The following ARHGAP28 variants were observed in gnomAD, a reference collection of about 807,000 sequenced individuals.
ARHGAP28 encodes Rho GTPase activating protein 28, also known as rho GTPase-activating protein 28.
Under a neutral mutation model 90.7 loss-of-function variants are expected in ARHGAP28, and 56 were observed. The ratio of observed to expected loss-of-function variants is 0.62; its 90% CI spans 0.50 to 0.77. The LOEUF is 0.77. Ranked by LOEUF, ARHGAP28 falls within the 30% of genes least tolerant of loss-of-function variation. The pLI is 0.00. For missense variants in ARHGAP28, 869 were observed against 900.9 expected, an observed-to-expected ratio of 0.96 and a Z score of 0.45; for synonymous variants, 308 against 323.3, an observed-to-expected ratio of 0.95 and a Z score of 0.51.
chr18:6,907,313 C>T (rs1051491398), intron 16 of ARHGAP28, among the ~76,000 whole-genome samples: 14 of 151,856 alleles, frequency 9.2e-5, no homozygotes, highest in Admixed American at 5.2e-4. Flanking sequence ...GGGCATTTAT[C>T]CCAAAGAAAT....
At chr18:6,822,349 G>C (rs2056632448) in intron 1 of ARHGAP28, among the ~76,000 whole-genome samples, 1 of 152,142 alleles carries the variant, frequency 6.6e-6, no homozygotes, top group Non-Finnish European at 1.5e-5. Flanking sequence ...TGGAGGGCAG[G>C]AGGCTGTGTG....
Position 6,841,175 on chromosome 18 carries a change from TCTCTC to T in ARHGAP28, c.543+3767_543+3771del, listed in dbSNP as rs1429600403. On this transcript the variant is annotated intron_variant, in intron 3 of 17. Coordinates refer to ENST00000383472, the MANE Select transcript of ARHGAP28 (RefSeq NM_001366230.1). ...CTCCTCTTTCTCTCTCTCCTCTCTC[TCTCTC>T]CTCTCTCTCTCTCTCTCTCTCTCCT... Among the ~76,000 whole-genome samples, 226 of 83,376 alleles carry T rather than the reference TCTCTC, an allele frequency of 2.7e-3. 5 individuals are homozygous for T. The highest frequency in any genetic ancestry group is 0.012 in the African/African-American group (198 of 16,694). The allele number at this position is 83,376 out of a possible 152,430, so 54.7% of individuals were successfully genotyped here.
chr18:6,881,697 G>C (rs1335482550), intron 10 of ARHGAP28, among the ~76,000 whole-genome samples: 1 of 152,166 alleles, frequency 6.6e-6, no homozygotes, highest in Non-Finnish European at 1.5e-5. Flanking sequence ...TTCTCATTCT[G>C]TTTGTGAACT....
At chr18:6,803,315 CT>C (rs2056495895) in intron 1 of ARHGAP28, among the ~76,000 whole-genome samples, 1 of 152,048 alleles carries the variant, frequency 6.6e-6, no homozygotes, top group Admixed American at 6.6e-5. Flanking sequence ...TTGTCAAGTA[CT>C]TTTTTCCCAT....
At chr18:6,895,960 A>G (rs990196124) in intron 15 of ARHGAP28, among the ~76,000 whole-genome samples, 6 of 152,136 alleles carry the variant, frequency 3.9e-5, no homozygotes, top group Non-Finnish European at 7.4e-5. Context: ...AAGAAACACT[A>G]TCTTTCCCAC....
chr18:6,767,434 C>T (rs922586977), intron 1 of ARHGAP28, among the ~76,000 whole-genome samples: 1 of 151,948 alleles, frequency 6.6e-6, no homozygotes, highest in Non-Finnish European at 1.5e-5. Flanking sequence ...TGTAGAGGTC[C>T]AAGTTTCCAT....
intron 10 of ARHGAP28, among the ~76,000 whole-genome samples, chr18:6,880,498 C>T (rs958699606): frequency 6.6e-6 from 1 of 152,188 alleles, no homozygotes; most frequent in African/African-American, 2.4e-5. Flanking sequence ...CAAATCTACC[C>T]TTGCCATTCC....
At chr18:6,792,072 C>T (rs187039003) in intron 1 of ARHGAP28, among the ~76,000 whole-genome samples, 1 of 152,108 alleles carries the variant, frequency 6.6e-6, no homozygotes, top group Non-Finnish European at 1.5e-5. Context: ...GCTGGGATTA[C>T]AGATGTGAAC....
At chr18:6,828,114 C>T (rs967066969) in intron 2 of ARHGAP28, among the ~76,000 whole-genome samples, 8 of 152,146 alleles carry the variant, frequency 5.3e-5, no homozygotes, top group African/African-American at 1.9e-4. Flanking sequence ...CTTGGGAGGC[C>T]GAGGCTGGCA....
At chr18:6,827,320 A>AC (rs1331457514) in intron 2 of ARHGAP28, among the ~76,000 whole-genome samples, 9 of 132,020 alleles carry the variant, frequency 6.8e-5, no homozygotes, top group Non-Finnish European at 1.3e-4. Flanking sequence ...CGGGGGGCTG[A>AC]ACCCTCCACC....
At chr18:6,748,748 C>G (rs73380746) in intron 1 of ARHGAP28, among the ~76,000 whole-genome samples, 5,534 of 152,230 alleles carry the variant, frequency 0.036, 342 homozygotes, top group African/African-American at 0.13. Flanking sequence ...CAGTATTTCC[C>G]ACATGTTTAC....
intron 17 of ARHGAP28, among the ~76,000 whole-genome samples, chr18:6,910,994 A>T (rs35855671): frequency 6.6e-6 from 1 of 151,446 alleles, no homozygotes; most frequent in South Asian, 2.1e-4. Flanking sequence ...ACAGGCGCCC[A>T]TCACCACGCC....
Position 6,851,105 on chromosome 18 carries a change from T to C in ARHGAP28, c.615T>C (p.Val205=). 1 of 1,614,070 alleles carries C rather than the reference T, an allele frequency of 6.2e-7. No individual in the cohort carries two copies. Among genetic ancestry groups the C allele is most frequent in the Non-Finnish European group, 8.5e-7 (1 of 1,179,974 alleles). The change falls in exon 4 of 18, where the codon GTT becomes GTC. Residue 205 remains valine (V), a synonymous_variant. Coordinates refer to ENST00000383472, the MANE Select transcript of ARHGAP28 (RefSeq NM_001366230.1). ...AGGAAGAAAGAGAGCTTCCAAGAGT[T>C]ATCAAGACAAGTGGTTCCATGGTAA... The part of the protein sequence containing the change: ...GTKEERELPR[V]IKTSGSMPDD...
In ARHGAP28 at chr18:6,774,687, T is replaced by G. The variant is rs1031594363; in HGVS notation, c.122+44744T>G. Among the ~76,000 whole-genome samples the G allele has an allele frequency of 6.6e-5, 10 of 152,358 alleles. No homozygotes were observed. In the South Asian group the frequency reaches 1.9e-3, roughly 28 times the overall value. On this transcript the variant is annotated intron_variant, in intron 1 of 17. Transcript: ENST00000383472. The stretch of plus-strand genomic sequence containing the variant: ...TAGAGTTCATTAGCCAAGCAAGCTC[T>G]TCTATTCTTTAATGGAATTAATGCA...
intron 9 of ARHGAP28, among the ~76,000 whole-genome samples, 170 bp downstream of exon 9, chr18:6,873,945 T>C (rs569831890): frequency 6.6e-6 from 1 of 152,352 alleles, no homozygotes; most frequent in Non-Finnish European, 1.5e-5. Flanking sequence ...TAACGGCCCA[T>C]GGCGCCTGGG....
chr18:6,887,753 A>G (rs1439417578), intron 12 of ARHGAP28, among the ~76,000 whole-genome samples: 1 of 152,010 alleles, frequency 6.6e-6, no homozygotes, highest in Non-Finnish European at 1.5e-5. Context: ...AGTTTCATTC[A>G]CTCCATTCAT....
chr18:6,741,975 T>C (rs7505383), intron 1 of ARHGAP28, among the ~76,000 whole-genome samples: 41,261 of 151,748 alleles, frequency 0.27, 6,439 homozygotes, highest in South Asian at 0.33. Flanking sequence ...GCTGGAGAAA[T>C]GGTTTAGAAG....
intron 3 of ARHGAP28, among the ~76,000 whole-genome samples, chr18:6,845,778 T>G (rs756870873): frequency 2.6e-5 from 4 of 152,212 alleles, no homozygotes; most frequent in Non-Finnish European, 5.9e-5. Context: ...GGCTGCATAG[T>G]ATTCCATGGT....
chr18:6,805,545 G>T (rs1321052110), intron 1 of ARHGAP28, among the ~76,000 whole-genome samples: 1 of 142,430 alleles, frequency 7.0e-6, no homozygotes, highest in Non-Finnish European at 1.5e-5. Context: ...GAGTGCAATG[G>T]CACGATCTCA....
Sources: allele counts gnomAD v4.1 joint callset (sites outside exome capture counted in the v4.1 genomes callset), GRCh38; gene constraint gnomAD v4.1.1; transcripts MANE v1.5; gene names NCBI Gene and HGNC (gene_info 2026-07-23, HGNC 2026-07-21).